Variants in SUN3 observed in about 807,000 individuals in gnomAD.
SUN3 encodes the protein Sad1 and UNC84 domain containing 3.
In SUN3, 36 loss-of-function variants were observed where a neutral mutation model predicts 48.2. That is an observed-to-expected ratio of 0.75 (90% CI 0.57 to 0.99). The LOEUF is 0.99. Among genes scored for constraint, SUN3 ranks in the 50% least tolerant of loss-of-function variants. The pLI, the probability that SUN3 is intolerant of heterozygous loss-of-function variation, is 0.00. For synonymous variants in SUN3, 148 were observed against 147.9 expected (o/e 1.00, Z 0.00); for missense variants, 419 against 433.1 (o/e 0.97, Z 0.29).
chr7:48,022,746 A>T (rs1790034033), intron 2 of SUN3, among the ~76,000 whole-genome samples: 2 of 152,084 alleles, frequency 1.3e-5, no homozygotes, highest in Non-Finnish European at 2.9e-5. Context: ...AGACAAAAAC[A>T]CAGAGATAAT....
At chr7:48,025,856 T>G (rs770765928) in intron 2 of SUN3, 21 bp downstream of exon 2, 39 of 1,530,156 alleles carry the variant, frequency 2.5e-5, no homozygotes, top group Non-Finnish European at 9.0e-7. Context: ...GTTTTAAGGA[T>G]CATTACTTAG....
chr7:48,002,151 C>CTTTTTTTT (rs71006541), intron 6 of SUN3, among the ~76,000 whole-genome samples: 4 of 64,154 alleles, frequency 6.2e-5, no homozygotes, highest in African/African-American at 1.0e-4. Context: ...TTGCATTTCT[C>CTTTTTTTT]TTTTTTTTTT....
chr7:48,030,755 A>G (rs1288123367), upstream of SUN3, among the ~76,000 whole-genome samples: 5 of 152,208 alleles, frequency 3.3e-5, no homozygotes, highest in African/African-American at 1.2e-4. Flanking sequence ...GTGTGAATAT[A>G]TCTTTAAGGA....
chr7:47,991,768 T>C (rs1252318976), intron 8 of SUN3, among the ~76,000 whole-genome samples: 1 of 151,554 alleles, frequency 6.6e-6, no homozygotes, highest in East Asian at 1.9e-4. Context: ...CGGAGGAGGG[T>C]GTCCATGTGG....
chr7:48,028,362 C>T (rs1418590478), intron 1 of SUN3, among the ~76,000 whole-genome samples: 2 of 151,366 alleles, frequency 1.3e-5, no homozygotes, highest in African/African-American at 2.4e-5. Context: ...GCATCCCCTA[C>T]CAGAGTCTTT....
intron 8 of SUN3, among the ~76,000 whole-genome samples, chr7:47,989,829 A>G (rs11763527): frequency 0.37 from 56,170 of 152,090 alleles, 10,484 homozygotes; most frequent in Middle Eastern, 0.51. Context: ...TGGCTGAAAC[A>G]TGTGCTGTGT....
the SUN3 span, chr7:48,035,633 G>A: frequency 2.9e-6 from 2 of 681,228 alleles, no homozygotes; most frequent in Non-Finnish European, 5.3e-6. The surrounding 1 kb of genome is among the most constrained non-coding windows in gnomAD (Gnocchi z 4.0). Context: ...GGGAGCTGGT[G>A]AGCCTGAGCG....
At chr7:47,991,079 C>T in intron 8 of SUN3, 1 of 454,364 alleles carries the variant, frequency 2.2e-6, no homozygotes, top group Middle Eastern at 3.8e-4. Context: ...AACAAATAAA[C>T]AACAAAACAA....
chr7:48,021,188 G>A (rs1789984688), intron 2 of SUN3, among the ~76,000 whole-genome samples: 1 of 152,068 alleles, frequency 6.6e-6, no homozygotes, highest in African/African-American at 2.4e-5. Flanking sequence ...AAATGGTGCT[G>A]GGAAAACTAG....
rs1453857970 is a variant in SUN3, at chr7:47,996,039, T to C, written c.685A>G (p.Ile229Val). 6.6e-7 allele frequency: 1 copy of C among 1,522,632 alleles called. No homozygotes were observed. Among genetic ancestry groups the C allele is most frequent in the Non-Finnish European group, 8.8e-7 (1 of 1,133,092 alleles). The allele number at this position is 1,522,632 out of a possible 1,614,324, so 94.3% of individuals were successfully genotyped here. The change falls in exon 7 of 10, where the codon ATT becomes GTT. Residue 229 changes from isoleucine (I) to valine (V), a missense_variant. Transcript: ENST00000297325. ...FLNHEMPPDIILQPDVYPGKC... is the reference protein window; with the variant it reads ...FLNHEMPPDIVLQPDVYPGKC... Reference sequence around the variant, plus strand: ...TCTTAATTTAGCTTTACCTGAAGAATAATATCTGGAGGCATTTCATGATTT... The same window carrying C: ...TCTTAATTTAGCTTTACCTGAAGAACAATATCTGGAGGCATTTCATGATTT...
chr7:48,019,312 A>C (rs900644843), intron 2 of SUN3, among the ~76,000 whole-genome samples: 1 of 152,188 alleles, frequency 6.6e-6, no homozygotes, highest in African/African-American at 2.4e-5. Flanking sequence ...CTAAGAGGGA[A>C]GATTATAGTT....
At position 48,026,575 on chromosome 7, in the gene SUN3, C is replaced by A. The variant is rs997108228; in HGVS notation, c.123-637G>T. Among the ~76,000 whole-genome samples the A allele has an allele frequency of 3.9e-5, 5 of 127,758 alleles. No individual in the cohort carries two copies. In the Admixed American group the frequency reaches 4.0e-4, roughly 10 times the overall value. 83.8% of individuals were successfully genotyped at this position (127,758 alleles called of 152,430 possible). On this transcript the variant is annotated intron_variant, in intron 1 of 9. Transcript: ENST00000297325. ...GTTCTGTGGACTGAATTGCACCCCA[C>A]CCCCCAACACACACACACACACACA...
intron 7 of SUN3, among the ~76,000 whole-genome samples, chr7:47,994,885 G>T (rs1052825268): frequency 1.3e-4 from 20 of 151,712 alleles, no homozygotes; most frequent in African/African-American, 4.8e-4. Context: ...TGATTGCAAT[G>T]GTGGTCATGG....
At chr7:48,022,233 G>A (rs1790018902) in intron 2 of SUN3, among the ~76,000 whole-genome samples, 1 of 152,082 alleles carries the variant, frequency 6.6e-6, no homozygotes. Context: ...TTAAACTAAT[G>A]AACATAGAGA....
intron 1 of SUN3, 22 bp downstream of exon 1, chr7:48,028,795 C>A (rs751927297): frequency 1.2e-6 from 2 of 1,610,626 alleles, no homozygotes; most frequent in Admixed American, 1.7e-5. Context: ...TTCAGGCACA[C>A]CGTTCTGCCA....
rs948410066 is a variant in SUN3 at position 48,007,293 on chromosome 7, G to A, written c.364C>T (p.Gln122Ter). ...ESQNLENNFR[Q>*]ILFLIEQIDV... ...ATTTGTTCGATCAAAAATAGAATTT[G>A]ACGAAAATTGTTTTCCAGATTCTGG... The change falls in exon 5 of 10, where the codon CAA becomes TAA. Residue 122 changes from glutamine to a stop codon, truncating the protein, a stop_gained. Transcript: ENST00000297325. LOFTEE classifies it high-confidence loss of function. The A allele has an allele frequency of 3.7e-6, 6 of 1,613,894 alleles. No homozygotes were observed. In the African/African-American group the frequency reaches 8.0e-5, roughly 22 times the overall value.
chr7:48,006,308 C>G (rs1046002183), intron 5 of SUN3, among the ~76,000 whole-genome samples: 2 of 152,042 alleles, frequency 1.3e-5, no homozygotes, highest in African/African-American at 4.8e-5. Flanking sequence ...CACACAGCAC[C>G]GTGGACCTAG....
At chr7:48,032,238 T>C (rs1790265343), upstream of SUN3, among the ~76,000 whole-genome samples, 2 of 152,168 alleles carry the variant, frequency 1.3e-5, no homozygotes, top group Non-Finnish European at 2.9e-5. Flanking sequence ...TTGAAATGTA[T>C]TGAGGGAGTA....
At chr7:47,987,682 C>T (rs528474279) in intron 9 of SUN3, among the ~76,000 whole-genome samples, 5 of 152,064 alleles carry the variant, frequency 3.3e-5, no homozygotes, top group South Asian at 2.1e-4. Flanking sequence ...TACAGGCACA[C>T]GCCACCGCAC....
Sources: allele counts gnomAD v4.1 joint callset (sites outside exome capture counted in the v4.1 genomes callset), GRCh38; gene constraint gnomAD v4.1.1; non-coding constraint Gnocchi (gnomAD v3.1); transcripts MANE v1.5; gene names NCBI Gene and HGNC (gene_info 2026-07-23, HGNC 2026-07-21).